SLC25A27: variants seen among roughly 807,000 people sequenced by gnomAD.
SLC25A27 encodes solute carrier family 25 member 27, also known as mitochondrial uncoupling protein 4.
In SLC25A27, 35 loss-of-function variants were observed where a neutral mutation model predicts 49.1. The observed-to-expected ratio is 0.71, with a 90% CI of 0.54 to 0.95. The LOEUF (loss-of-function observed/expected upper bound fraction) is 0.95. Ranked by LOEUF, SLC25A27 falls within the 40% of genes least tolerant of loss-of-function variation. The pLI, the probability that SLC25A27 is intolerant of heterozygous loss-of-function variation, is 0.00. For synonymous variants in SLC25A27, 144 were observed against 136.9 expected (o/e 1.05, Z -0.36); for missense variants, 339 against 397.1 (o/e 0.85, Z 1.24).
At position 46,653,121 on chromosome 6, in the gene SLC25A27, G is replaced by C; in HGVS notation, c.-72G>C. ...GGTTGAAAAGGGGCCGCCCTGGCAG[G>C]GAAGCGGCCGCCGCGGCGCGGTGCA... On this transcript the variant is annotated 5_prime_UTR_variant, in exon 1 of 9. Coordinates refer to ENST00000371347, the MANE Select transcript of SLC25A27 (RefSeq NM_004277.5). 6.9e-7 allele frequency: 1 copy of C among 1,439,084 alleles called. No homozygotes were observed. The highest frequency in any genetic ancestry group is 9.7e-7 in the Non-Finnish European group (1 of 1,035,406). The allele number at this position is 1,439,084 out of a possible 1,614,324, so 89.1% of individuals were successfully genotyped here. A position where few individuals can be genotyped will look rare whatever the true frequency, so the allele number is the denominator to read the frequency against.
intron 8 of SLC25A27, among the ~76,000 whole-genome samples, chr6:46,672,893 G>C (rs1191064517): frequency 6.6e-6 from 1 of 152,148 alleles, no homozygotes; most frequent in Non-Finnish European, 1.5e-5. Context: ...AGGAATAGTA[G>C]GTATTTGTGT....
At chr6:46,675,304 G>A (rs896137361) in intron 8 of SLC25A27, among the ~76,000 whole-genome samples, 2 of 152,110 alleles carry the variant, frequency 1.3e-5, no homozygotes, top group African/African-American at 4.8e-5. Context: ...TTGCATAGGG[G>A]TTCTTAACTA....
At chr6:46,665,061 TG>T (rs1413168812) in intron 5 of SLC25A27, among the ~76,000 whole-genome samples, 175 bp downstream of exon 5, 14 of 152,202 alleles carry the variant, frequency 9.2e-5, no homozygotes, top group African/African-American at 3.4e-4. Flanking sequence ...AGAGCATTTT[TG>T]CTTCATTCTA....
chr6:46,678,030 T>TTATATATATATATATATATA lies in SLC25A27; in HGVS notation c.*1592_*1611dup, dbSNP rs67622673. 4.5e-3 allele frequency: 453 copies of TTATATATATATATATATATA among 100,408 alleles called. 26 individuals carry two copies. Among genetic ancestry groups the TTATATATATATATATATATA allele is most frequent in the Middle Eastern group, 5.8e-3 (1 of 172 alleles). 6.2% of individuals were successfully genotyped at this position (100,408 alleles called of 1,614,324 possible). A position where few individuals can be genotyped will look rare whatever the true frequency, so the allele number is the denominator to read the frequency against. On this transcript the variant is annotated 3_prime_UTR_variant, in exon 9 of 9. Transcript: ENST00000371347. ...CAATATGTAATTGCGTTGTAAAATA[T>TTATATATATATATATATATA]TATATATATATATATATATATATAT...
Position 46,653,605 on chromosome 6 carries a change from G to T in SLC25A27, c.106+307G>T, listed in dbSNP as rs150964542. 6 of 985,412 alleles carry T rather than the reference G, an allele frequency of 6.1e-6. No homozygotes were observed. In the African/African-American group the frequency reaches 7.0e-5, roughly 11 times the overall value. The allele number at this position is 985,412 out of a possible 1,614,324, so 61.0% of individuals were successfully genotyped here. A position where few individuals can be genotyped will look rare whatever the true frequency, so the allele number is the denominator to read the frequency against. On this transcript the variant is annotated intron_variant, in intron 1 of 8. Transcript: ENST00000371347. The stretch of plus-strand genomic sequence containing the variant: ...GTAGGAATCATTTTCCTTTTCATGA[G>T]GATGACCTTTTTAAAAACGTAATCT...
chr6:46,660,230 C>CTGTGTGTGTGTATGTGTGTGTGTG (rs1554170741), intron 3 of SLC25A27, among the ~76,000 whole-genome samples: 3 of 147,310 alleles, frequency 2.0e-5, no homozygotes, highest in African/African-American at 7.6e-5. Flanking sequence ...ACCTCTGTGT[C>CTGTGTGTGTGTATGTGTGTGTGTG]TGTGTGTGTG....
intron 2 of SLC25A27, among the ~76,000 whole-genome samples, chr6:46,657,151 A>G (rs563031331): frequency 6.6e-6 from 1 of 152,142 alleles, no homozygotes; most frequent in East Asian, 1.9e-4. Context: ...GGGTAACAAA[A>G]CAAGACCCCA....
At chr6:46,653,331 C>T (rs948190228) in intron 1 of SLC25A27, 33 bp downstream of exon 1, 2 of 1,588,484 alleles carry the variant, frequency 1.3e-6, no homozygotes, top group African/African-American at 2.7e-5. Flanking sequence ...GCCTCCCGGG[C>T]CAGTGGCACG....
At chr6:46,674,482 T>TAG (rs892415673) in intron 8 of SLC25A27, among the ~76,000 whole-genome samples, 6 of 152,128 alleles carry the variant, frequency 3.9e-5, no homozygotes, top group Non-Finnish European at 7.4e-5. Context: ...GAGACATTCC[T>TAG]AGCAGTGGAG....
At chr6:46,655,531 GTTT>G (rs1762943642) in intron 1 of SLC25A27, among the ~76,000 whole-genome samples, 1 of 98,546 alleles carries the variant, frequency 1.0e-5, no homozygotes, top group African/African-American at 3.7e-5. Context: ...TATTGTTAAT[GTTT>G]GTTTTTTTTT....
At chr6:46,662,972 A>G (rs1763209749) in intron 4 of SLC25A27, among the ~76,000 whole-genome samples, 1 of 152,182 alleles carries the variant, frequency 6.6e-6, no homozygotes, top group South Asian at 2.1e-4. Flanking sequence ...TCCTGCAGAA[A>G]GAGAGTAGCA....
intron 2 of SLC25A27, among the ~76,000 whole-genome samples, chr6:46,657,161 A>G (rs1226992811): frequency 6.6e-6 from 1 of 152,034 alleles, no homozygotes; most frequent in Non-Finnish European, 1.5e-5. Flanking sequence ...ACAAGACCCC[A>G]TCTCTAAAAA....
At chr6:46,665,083 T>C (rs962600400) in intron 5 of SLC25A27, among the ~76,000 whole-genome samples, 197 bp downstream of exon 5, 17 of 152,324 alleles carry the variant, frequency 1.1e-4, no homozygotes, top group African/African-American at 4.1e-4. Context: ...TAGTGATGTA[T>C]GAAAAGGATA....
rs778368856 is a variant in SLC25A27 at position 46,676,648 on chromosome 6, G to C, written c.*194G>C. The C allele has an allele frequency of 1.1e-4, 174 of 1,550,756 alleles. No homozygotes were observed. The highest frequency in any genetic ancestry group is 1.5e-4 in the Non-Finnish European group (174 of 1,147,012). On this transcript the variant is annotated 3_prime_UTR_variant, in exon 9 of 9. Coordinates refer to ENST00000371347, the MANE Select transcript of SLC25A27 (RefSeq NM_004277.5). ...TTGACTCCTCTTTTTGTCCAAAAGT[G>C]ATCTGGTCGGATCTCACAAGGCCAT...
At chr6:46,668,817 CTG>C (rs772490302) in intron 6 of SLC25A27, 24 bp downstream of exon 6, 34 of 1,305,882 alleles carry the variant, frequency 2.6e-5, no homozygotes, top group South Asian at 1.3e-4. Flanking sequence ...TAGTTGGACT[CTG>C]TTTTTTTTTT....
chr6:46,659,874 T>TA (rs1763107988), intron 3 of SLC25A27, among the ~76,000 whole-genome samples: 1 of 149,262 alleles, frequency 6.7e-6, no homozygotes, highest in African/African-American at 2.4e-5. Context: ...AAAATAAAAA[T>TA]AAAAAATTGC....
At chr6:46,660,400 G>C (rs1763126867) in intron 3 of SLC25A27, among the ~76,000 whole-genome samples, 1 of 152,126 alleles carries the variant, frequency 6.6e-6, no homozygotes, top group Non-Finnish European at 1.5e-5. Context: ...ACTTTAAGCT[G>C]TTAGTGGAAA....
At chr6:46,667,575 C>T (rs1010945777) in intron 5 of SLC25A27, among the ~76,000 whole-genome samples, 2 of 152,220 alleles carry the variant, frequency 1.3e-5, no homozygotes, top group Non-Finnish European at 2.9e-5. Context: ...AGCAAGCTGA[C>T]TCCTGACTCA....
rs890403074 is a variant in SLC25A27 at position 46,677,595 on chromosome 6, C to T, written c.*1141C>T. 1.3e-5 allele frequency: 2 copies of T among 152,128 alleles called. No homozygotes were observed. Among genetic ancestry groups the T allele is most frequent in the African/African-American group, 4.8e-5 (2 of 41,428 alleles). The allele number at this position is 152,128 out of a possible 1,614,324, so 9.4% of individuals were successfully genotyped here. ...ATGTCTCGAATCTTTGAATCAAATCCATGTTCTTATTTTAGAAAGGTAAGA... is the reference window on the plus strand; with the variant it reads ...ATGTCTCGAATCTTTGAATCAAATCTATGTTCTTATTTTAGAAAGGTAAGA... On this transcript the variant is annotated 3_prime_UTR_variant, in exon 9 of 9. Coordinates refer to ENST00000371347, the MANE Select transcript of SLC25A27 (RefSeq NM_004277.5).
Sources: gnomAD v4.1 joint callset for allele counts (sites outside exome capture counted in the v4.1 genomes callset) on GRCh38, gnomAD v4.1.1 for gene constraint, MANE v1.5 for transcripts, NCBI Gene and HGNC (gene_info 2026-07-23, HGNC 2026-07-21) for gene names.